Variants in RASGRF2 observed in about 807,000 individuals in gnomAD.
RASGRF2 encodes the protein Ras protein specific guanine nucleotide releasing factor 2, also known as ras-specific guanine nucleotide-releasing factor 2.
A neutral mutation model predicts 151.0 loss-of-function variants in RASGRF2; 76 were observed. The observed-to-expected ratio is 0.50, with a 90% confidence interval of 0.42 to 0.61. The LOEUF (loss-of-function observed/expected upper bound fraction) is 0.61, where lower values mean the gene tolerates loss of function less well. Among genes scored for constraint, RASGRF2 ranks in the 20% least tolerant of loss-of-function variants. The pLI is 0.00. For missense variants in RASGRF2, 1,148 were observed against 1,564.6 expected, an observed-to-expected ratio of 0.73 and a Z score of 4.49; for synonymous variants, 504 against 566.5, an observed-to-expected ratio of 0.89 and a Z score of 1.57.
intron 2 of RASGRF2, among the ~76,000 whole-genome samples, chr5:81,048,130 G>A (rs1750896831): frequency 6.6e-6 from 1 of 152,146 alleles, no homozygotes; most frequent in Non-Finnish European, 1.5e-5. Context: ...AATGTTTCAT[G>A]TGTCACAGCA....
chr5:81,174,940 A>G (rs1433421270), intron 17 of RASGRF2, among the ~76,000 whole-genome samples: 1 of 152,248 alleles, frequency 6.6e-6, no homozygotes, highest in African/African-American at 2.4e-5. Flanking sequence ...ATAGCCAAAT[A>G]GCGTCTTCTC....
chr5:80,976,602 G>A (rs2112228992), intron 1 of RASGRF2, among the ~76,000 whole-genome samples: 1 of 152,172 alleles, frequency 6.6e-6, no homozygotes, highest in Admixed American at 6.5e-5. Context: ...TCGGGTGTTG[G>A]GGAACAGCAG....
chr5:81,006,824 T>G (rs904744831), intron 1 of RASGRF2, among the ~76,000 whole-genome samples: 11 of 152,206 alleles, frequency 7.2e-5, no homozygotes, highest in African/African-American at 2.7e-4. Context: ...GAGTTTTCAT[T>G]AACTGAACAC....
At chr5:81,023,984 T>C (rs947092965) in intron 1 of RASGRF2, among the ~76,000 whole-genome samples, 11 of 152,222 alleles carry the variant, frequency 7.2e-5, no homozygotes, top group African/African-American at 2.4e-4. Context: ...CCATTCCCAG[T>C]TGTCTTTTCG....
chr5:80,970,784 G>A (rs1019103678), intron 1 of RASGRF2, among the ~76,000 whole-genome samples: 1 of 152,178 alleles, frequency 6.6e-6, no homozygotes, highest in Non-Finnish European at 1.5e-5. Flanking sequence ...TTCACAGAAC[G>A]TTTAATGAGC....
intron 18 of RASGRF2, among the ~76,000 whole-genome samples, chr5:81,188,160 G>T (rs1016595400): frequency 3.3e-5 from 5 of 152,176 alleles, no homozygotes; most frequent in Non-Finnish European, 7.3e-5. Context: ...GCTCGTGTCA[G>T]TTGGCCACAG....
At chr5:81,025,601 C>T (rs1027419677) in intron 1 of RASGRF2, among the ~76,000 whole-genome samples, 6 of 152,196 alleles carry the variant, frequency 3.9e-5, no homozygotes, top group African/African-American at 1.4e-4. Flanking sequence ...ACCTCCTTTC[C>T]AAGTCCAACA....
intron 23 of RASGRF2, among the ~76,000 whole-genome samples, chr5:81,213,483 G>A (rs1346827331): frequency 6.6e-6 from 1 of 152,204 alleles, no homozygotes; most frequent in East Asian, 1.9e-4. Flanking sequence ...CAGAGTTGGT[G>A]AGGGGAATCT....
At chr5:81,127,943 A>G (rs1035272898) in intron 17 of RASGRF2, among the ~76,000 whole-genome samples, 54 of 151,072 alleles carry the variant, frequency 3.6e-4, no homozygotes, top group Non-Finnish European at 6.5e-4. Flanking sequence ...AAAAAAAAAA[A>G]AAAAGAAAAG....
At chr5:81,010,033 G>A (rs1466075996) in intron 1 of RASGRF2, among the ~76,000 whole-genome samples, 6 of 151,944 alleles carry the variant, frequency 3.9e-5, no homozygotes, top group African/African-American at 1.5e-4. Flanking sequence ...TTGGGTGCCT[G>A]TAGTTCCAGC....
chr5:81,086,171 A>C (rs1008590573), intron 8 of RASGRF2, among the ~76,000 whole-genome samples: 1 of 152,046 alleles, frequency 6.6e-6, no homozygotes, highest in Non-Finnish European at 1.5e-5. Flanking sequence ...ATTTTGGTTT[A>C]AGTTTGGAAA....
intron 6 of RASGRF2, 142 bp from the exon 7 acceptor site, chr5:81,080,454 C>A: frequency 9.4e-7 from 1 of 1,059,782 alleles, no homozygotes; most frequent in Non-Finnish European, 1.4e-6. Context: ...TGCATTCTAC[C>A]AGATCATCAT....
At chr5:81,191,409 CTTTGT>C (rs1755151046) in intron 18 of RASGRF2, among the ~76,000 whole-genome samples, 1 of 152,090 alleles carries the variant, frequency 6.6e-6, no homozygotes, top group East Asian at 1.9e-4. Context: ...CACCAGCTTT[CTTTGT>C]CAGTCTTTTT....
At chr5:81,078,399 C>T (rs1280606243) in intron 5 of RASGRF2, among the ~76,000 whole-genome samples, 1 of 152,230 alleles carries the variant, frequency 6.6e-6, no homozygotes, top group African/African-American at 2.4e-5. Flanking sequence ...TCCTTTCCTT[C>T]CCCACTACCC....
intron 18 of RASGRF2, among the ~76,000 whole-genome samples, chr5:81,182,942 A>G (rs1407920904): frequency 6.6e-6 from 1 of 152,098 alleles, no homozygotes; most frequent in Non-Finnish European, 1.5e-5. Flanking sequence ...ACCAACCCTC[A>G]CCCTTATTGT....
intron 19 of RASGRF2, among the ~76,000 whole-genome samples, chr5:81,204,728 T>A (rs1755468090): frequency 6.6e-6 from 1 of 152,226 alleles, no homozygotes; most frequent in African/African-American, 2.4e-5. Flanking sequence ...TTCTTGGATG[T>A]TCAACTGTGA....
intron 1 of RASGRF2, among the ~76,000 whole-genome samples, chr5:81,033,617 C>G (rs1312206576): frequency 6.7e-6 from 1 of 150,142 alleles, no homozygotes; most frequent in African/African-American, 2.5e-5. Flanking sequence ...GAAACTGGAT[C>G]CCTTCCTTAC....
intron 1 of RASGRF2, among the ~76,000 whole-genome samples, chr5:80,969,018 G>T (rs953808799): frequency 1.1e-4 from 17 of 151,144 alleles, no homozygotes; most frequent in Non-Finnish European, 2.1e-4. Flanking sequence ...ATGGTGTAAA[G>T]TGTTTTCATG....
chr5:81,137,283 T>TG (rs1177241270), intron 17 of RASGRF2, among the ~76,000 whole-genome samples: 3 of 152,194 alleles, frequency 2.0e-5, no homozygotes, highest in Non-Finnish European at 2.9e-5. Context: ...ACATTTAAGG[T>TG]GGGCTAGGCT....
Sources: allele counts gnomAD v4.1 joint callset (sites outside exome capture counted in the v4.1 genomes callset), GRCh38; gene constraint gnomAD v4.1.1; transcripts MANE v1.5; gene names NCBI Gene and HGNC (gene_info 2026-07-23, HGNC 2026-07-21).